The following ITPRID2 variants were observed in gnomAD, a reference collection of about 807,000 sequenced individuals.
ITPRID2 encodes protein ITPRID2.
In ITPRID2, 60 loss-of-function variants were observed where a neutral mutation model predicts 124.3. That is an observed-to-expected ratio of 0.48 (90% confidence interval 0.39 to 0.60). The LOEUF (loss-of-function observed/expected upper bound fraction) is 0.60. Ranked by LOEUF, ITPRID2 falls within the 20% of genes least tolerant of loss-of-function variation. ITPRID2 has a pLI of 0.00. For synonymous variants in ITPRID2, 521 were observed against 542.9 expected (o/e 0.96, Z 0.56); for missense variants, 1,553 against 1,512.2 (o/e 1.03, Z -0.45).
Position 181,918,869 on chromosome 2 carries a change from A to G in ITPRID2, c.2980A>G (p.Thr994Ala), listed in dbSNP as rs765811090. 2.5e-6 allele frequency: 4 copies of G among 1,613,976 alleles called. No homozygotes were observed. Among genetic ancestry groups the G allele is most frequent in the Non-Finnish European group, 3.4e-6 (4 of 1,180,026 alleles). ...RQQTMVYHHM[T>A]EEERFEVDQL... Reference sequence around the variant, plus strand: ...GCAAACCATGGTTTATCATCATATGACTGAGGAGGAGAGGTAAAAGTTCAT... The same window carrying G: ...GCAAACCATGGTTTATCATCATATGGCTGAGGAGGAGAGGTAAAAGTTCAT... Residue 994 changes from threonine (T) to alanine (A), a missense_variant, in exon 13 of 18, where the codon ACT (threonine) becomes GCT (alanine). Thr to Ala is a moderately conservative substitution (Grantham distance 58, BLOSUM62 0). Coordinates refer to ENST00000431877, the MANE Select transcript of ITPRID2 (RefSeq NM_001130445.3).
rs1695190074 is a variant in ITPRID2 at position 181,930,380 on chromosome 2, T to C, written c.*833T>C. On this transcript the variant is annotated 3_prime_UTR_variant, in exon 18 of 18. Transcript: ENST00000431877. ...TAAGCTGGTGTTTGTTTTTTCAAAA[T>C]GGAAGTAATTTAGATTTGTTCTCCT... is the stretch of plus-strand genomic sequence containing the variant. 2 of 152,584 alleles carry C rather than the reference T, an allele frequency of 1.3e-5. No homozygotes were observed. Among genetic ancestry groups the C allele is most frequent in the Admixed American group, 1.3e-4 (2 of 15,282 alleles). 9.5% of individuals were successfully genotyped at this position (152,584 alleles called of 1,614,324 possible). A position where few individuals can be genotyped will look rare whatever the true frequency, so the allele number is the denominator to read the frequency against.
Position 181,922,077 on chromosome 2 carries a change from T to C in ITPRID2, c.3340T>C (p.Ser1114Pro). ...SVFSQATSES[S>P]SVCSGPSHAN... is the part of the protein sequence containing the mutation. ...TTTTTCCCAAGCAACATCAGAATCA[T>C]CTTCTGTATGTTCTGGTCCCTCTCA... The change falls in exon 16 of 18, where the codon TCT becomes CCT. Residue 1114 changes from serine (S) to proline (P), a missense_variant. Transcript: ENST00000431877. The C allele has an allele frequency of 6.2e-7, 1 of 1,614,236 alleles. No homozygotes were observed. Among genetic ancestry groups the C allele is most frequent in the Non-Finnish European group, 8.5e-7 (1 of 1,180,048 alleles).
In ITPRID2 at chr2:181,918,832, A is replaced by C. The variant is rs769667226; in HGVS notation, c.2943A>C (p.Ala981=). The change falls in exon 13 of 18, where the codon GCA becomes GCC. Residue 981 remains alanine (A), a synonymous_variant. Coordinates refer to ENST00000431877, the MANE Select transcript of ITPRID2 (RefSeq NM_001130445.3). ...CACAAATGATGGATTTAGAATTGGCAATGCTGCGTCAGCAAACCATGGTTT... is the reference window on the plus strand; with the variant it reads ...CACAAATGATGGATTTAGAATTGGCCATGCTGCGTCAGCAAACCATGGTTT... ...FRTQMMDLEL[A]MLRQQTMVYH... 6.2e-7 allele frequency: 1 copy of C among 1,614,206 alleles called. No individual in the cohort carries two copies. The highest frequency in any genetic ancestry group is 8.5e-7 in the Non-Finnish European group (1 of 1,180,024).
rs1292464256 is a variant in ITPRID2 at position 181,892,886 on chromosome 2, C to T, written c.257+226C>T. On this transcript the variant is annotated intron_variant, in intron 2 of 17. Transcript: ENST00000431877. This position sits in a 1 kb window ranked among gnomAD's most constrained non-coding sequence, Gnocchi z 5.2. The stretch of plus-strand genomic sequence containing the variant: ...GACTTTACAGTTAGGACTTGAGCTA[C>T]TCACGCATCGTGTTAGCATCAGAGA... 5.1e-6 allele frequency: 3 copies of T among 593,874 alleles called. No homozygotes were observed. Among genetic ancestry groups the T allele is most frequent in the Admixed American group, 2.9e-5 (1 of 34,302 alleles). 36.8% of individuals were successfully genotyped at this position (593,874 alleles called of 1,614,324 possible). A position where few individuals can be genotyped will look rare whatever the true frequency, so the allele number is the denominator to read the frequency against.
chr2:181,916,114 A>T lies in ITPRID2; in HGVS notation c.2474A>T (p.His825Leu), dbSNP rs1211467013. The T allele has an allele frequency of 1.7e-5, 28 of 1,614,124 alleles. No individual in the cohort carries two copies. The highest frequency in any genetic ancestry group is 2.2e-5 in the Non-Finnish European group (26 of 1,180,058). ...SEAPRVEECH[H>L]GRTPTCSRLA... ...GCGCCGCGGGTGGAGGAATGCCATC[A>T]TGGAAGGACTCCTACCTGTTCACGG... is the stretch of plus-strand genomic sequence containing the variant. The change falls in exon 11 of 18, where the codon CAT (histidine) becomes CTT (leucine). Residue 825 changes from histidine to leucine, a missense_variant. Physicochemically the swap from His to Leu is moderately conservative, Grantham distance 99. Transcript: ENST00000431877.
rs773897483 is a variant in ITPRID2 at position 181,915,316 on chromosome 2, A to C, written c.1676A>C (p.Gln559Pro). ...LGEDLATPTA[Q>P]DQPYFNESEE... Reference sequence around the variant, plus strand: ...GAAGACCTTGCCACACCAACAGCACAAGACCAGCCTTATTTTAATGAATCA... The same window carrying C: ...GAAGACCTTGCCACACCAACAGCACCAGACCAGCCTTATTTTAATGAATCA... Residue 559 changes from glutamine (Q) to proline (P), a missense_variant, in exon 11 of 18, where the codon CAA (glutamine) becomes CCA (proline). Coordinates refer to ENST00000431877, the MANE Select transcript of ITPRID2 (RefSeq NM_001130445.3). 2 of 1,614,214 alleles carry C rather than the reference A, an allele frequency of 1.2e-6. No homozygotes were observed. The highest frequency in any genetic ancestry group is 4.5e-5 in the East Asian group (2 of 44,880).
At chr2:181,894,833 G>A (rs1261349935) in intron 2 of ITPRID2, 1 of 152,038 alleles carries the variant, frequency 6.6e-6, no homozygotes, top group Non-Finnish European at 1.5e-5. Context: ...GTTTTCGAAG[G>A]AGGATTCCTG....
In ITPRID2 at chr2:181,905,281, C is replaced by T. The variant is rs148334933; in HGVS notation, c.1413+2815C>T. Among the ~76,000 whole-genome samples the T allele has an allele frequency of 3.3e-3, 507 of 152,144 alleles. 2 individuals carry two copies. The highest frequency in any genetic ancestry group is 0.011 in the African/African-American group (446 of 41,498). ...GGCCAGGCTGGTCTCAAACTCCTGA[C>T]CTCGTGATCTGACCACCTCGGCCTC... On this transcript the variant is annotated intron_variant, in intron 8 of 17. Transcript: ENST00000431877. The surrounding 1 kb of genome is among the most constrained non-coding windows in gnomAD (Gnocchi z 4.1).
chr2:181,892,436 G>A lies in ITPRID2; in HGVS notation c.211+159G>A. 8.9e-7 allele frequency: 1 copy of A among 1,120,236 alleles called. No individual in the cohort carries two copies. The highest frequency in any genetic ancestry group is 1.3e-6 in the Non-Finnish European group (1 of 786,742). The allele number at this position is 1,120,236 out of a possible 1,614,324, so 69.4% of individuals were successfully genotyped here. On this transcript the variant is annotated intron_variant, in intron 1 of 17. Coordinates refer to ENST00000431877, the MANE Select transcript of ITPRID2 (RefSeq NM_001130445.3). This position sits in a 1 kb window ranked among gnomAD's most constrained non-coding sequence, Gnocchi z 5.2. The stretch of plus-strand genomic sequence containing the variant: ...TTCAAACGCGCGCGCTGAACGAGGC[G>A]CCCCCAGCGTCAACACAGACAACTG...
chr2:181,929,705 T>C lies in ITPRID2; in HGVS notation c.*158T>C. The C allele has an allele frequency of 7.5e-7, 1 of 1,336,292 alleles. No homozygotes were observed. The highest frequency in any genetic ancestry group is 1.0e-6 in the Non-Finnish European group (1 of 967,708). The allele number at this position is 1,336,292 out of a possible 1,614,324, so 82.8% of individuals were successfully genotyped here. Reference sequence around the variant, plus strand: ...CAATGTGTATTTCTTCAACCATATATTTTAAAAAGACGTACATAGAAACTT... The same window carrying C: ...CAATGTGTATTTCTTCAACCATATACTTTAAAAAGACGTACATAGAAACTT... On this transcript the variant is annotated 3_prime_UTR_variant, in exon 18 of 18. Transcript: ENST00000431877.
At chr2:181,918,291 C>T in intron 11 of ITPRID2, 2 of 1,115,268 alleles carry the variant, frequency 1.8e-6, no homozygotes, top group East Asian at 5.7e-5. Context: ...ATGGCTTCTA[C>T]ATTTTTGCGT....
intron 2 of ITPRID2, chr2:181,894,311 A>T (rs1692009512): frequency 6.6e-6 from 1 of 152,172 alleles, no homozygotes; most frequent in African/African-American, 2.4e-5. Context: ...AATCCCTGAC[A>T]ATTTCAGAAG....
intron 11 of ITPRID2, 163 bp from the exon 12 acceptor site, chr2:181,918,435 G>T: frequency 6.9e-7 from 1 of 1,444,782 alleles, no homozygotes; most frequent in South Asian, 1.6e-5. Context: ...GGTGTCATTG[G>T]GAACTGATTT....
At chr2:181,918,973 A>G (rs1694283226) in intron 13 of ITPRID2, 91 bp downstream of exon 13, 1 of 1,465,520 alleles carries the variant, frequency 6.8e-7, no homozygotes. Context: ...TTTTGATTCT[A>G]CTGCTGTGTA....
intron 2 of ITPRID2, chr2:181,894,253 T>G (rs1000614762): frequency 2.0e-5 from 3 of 152,210 alleles, no homozygotes; most frequent in African/African-American, 7.2e-5. Context: ...TGCATCTTTT[T>G]TGAGACAAAT....
chr2:181,921,569 A>G (rs1694487221), intron 15 of ITPRID2, among the ~76,000 whole-genome samples: 1 of 152,222 alleles, frequency 6.6e-6, no homozygotes, highest in South Asian at 2.1e-4. Context: ...TTAGAGCTGT[A>G]ACATGACCAC....
chr2:181,897,888 T>A (rs1340729512), intron 4 of ITPRID2, among the ~76,000 whole-genome samples: 2 of 152,020 alleles, frequency 1.3e-5, no homozygotes, highest in Non-Finnish European at 1.5e-5. Context: ...TTATTATTTC[T>A]GTTCATATAT....
chr2:181,897,091 A>G (rs1692264495), intron 4 of ITPRID2, 127 bp downstream of exon 4: 2 of 755,258 alleles, frequency 2.6e-6, no homozygotes, highest in African/African-American at 1.8e-5. Flanking sequence ...GCTCAGGCAT[A>G]TTTTACATTA....
At position 181,919,308 on chromosome 2, in the gene ITPRID2, T is replaced by A; in HGVS notation, c.3006T>A (p.Asp1002Glu). ...ACCATACCAATAGGTTTGAAGTTGA[T>A]CAGCTCCAGGGTTTGAGAAATTCAG... The part of the protein sequence containing the change: ...HMTEEERFEV[D>E]QLQGLRNSVR... The change falls in exon 14 of 18, where the codon GAT becomes GAA. Residue 1002 changes from aspartate to glutamate, a missense_variant. Asp to Glu is a conservative substitution (Grantham distance 45, BLOSUM62 2). Coordinates refer to ENST00000431877, the MANE Select transcript of ITPRID2 (RefSeq NM_001130445.3). The surrounding 1 kb of genome is among the most constrained non-coding windows in gnomAD (Gnocchi z 4.2). 1 of 1,614,084 alleles carries A rather than the reference T, an allele frequency of 6.2e-7. No individual in the cohort carries two copies. The highest frequency in any genetic ancestry group is 8.5e-7 in the Non-Finnish European group (1 of 1,180,018).
Sources: gnomAD v4.1 joint callset for allele counts (sites outside exome capture counted in the v4.1 genomes callset) on GRCh38, gnomAD v4.1.1 for gene constraint, Gnocchi (gnomAD v3.1) non-coding constraint, MANE v1.5 for transcripts, NCBI Gene and HGNC (gene_info 2026-07-23, HGNC 2026-07-21) for gene names.